Variants in STX2 observed in about 807,000 individuals in gnomAD.
STX2 encodes the protein syntaxin-2.
Under a neutral mutation model 40.6 loss-of-function variants are expected in STX2, and 27 were observed. The observed-to-expected ratio is 0.66, with a 90% confidence interval of 0.49 to 0.92. STX2 has a LOEUF of 0.92. Ranked by LOEUF, STX2 falls within the 40% of genes least tolerant of loss-of-function variation. The pLI is 0.00. For synonymous variants in STX2, 123 were observed against 119.1 expected (o/e 1.03, Z -0.22); for missense variants, 328 against 366.1 (o/e 0.90, Z 0.85).
intron 3 of STX2, among the ~76,000 whole-genome samples, chr12:130,815,464 G>C (rs938364969): frequency 5.9e-5 from 9 of 152,238 alleles, no homozygotes; most frequent in Non-Finnish European, 1.0e-4. Flanking sequence ...ATAACTGCCA[G>C]ATGCACGCTG....
At chr12:130,823,991 T>TA (rs930305269) in intron 2 of STX2, among the ~76,000 whole-genome samples, 8 of 152,224 alleles carry the variant, frequency 5.3e-5, no homozygotes, top group African/African-American at 1.9e-4. Context: ...ATCTTAGTAT[T>TA]ACTTTGAAAA....
chr12:130,795,148 T>C (rs1433860553), intron 10 of STX2, among the ~76,000 whole-genome samples: 1 of 152,210 alleles, frequency 6.6e-6, no homozygotes, highest in African/African-American at 2.4e-5. Context: ...TAACTAAATA[T>C]AATACGTAAT....
chr12:130,836,671 A>T (rs1016047068), intron 1 of STX2, among the ~76,000 whole-genome samples: 1 of 152,212 alleles, frequency 6.6e-6, no homozygotes, highest in African/African-American at 2.4e-5. Flanking sequence ...ACCTTCTCCC[A>T]GAGCTTCACA....
intron 5 of STX2, 70 bp from the exon 6 acceptor site, chr12:130,807,160 T>A: frequency 6.7e-7 from 1 of 1,485,188 alleles, no homozygotes; most frequent in East Asian, 2.3e-5. Flanking sequence ...ATGCAAGACA[T>A]GCATTTTGGA....
Position 130,801,409 on chromosome 12 carries a change from A to C in STX2, c.537+6T>G. On this transcript the variant is annotated splice_donor_region_variant and intron_variant, in intron 7 of 10. Coordinates refer to ENST00000392373, the MANE Select transcript of STX2 (RefSeq NM_194356.4). ...CATGGAGCCACAGGGCCGCACCCCC[A>C]CTCACGTCGGAAGTGAAGATGGATG... 1 of 1,606,540 alleles carries C rather than the reference A, an allele frequency of 6.2e-7. No homozygotes were observed. Among genetic ancestry groups the C allele is most frequent in the Non-Finnish European group, 8.5e-7 (1 of 1,175,616 alleles).
intron 3 of STX2, among the ~76,000 whole-genome samples, chr12:130,815,066 C>T (rs1051624953): frequency 1.1e-4 from 17 of 152,092 alleles, no homozygotes; most frequent in African/African-American, 3.9e-4. Context: ...CATGCCATCT[C>T]TATTTAAAAA....
intron 3 of STX2, among the ~76,000 whole-genome samples, chr12:130,814,876 C>A (rs1951802122): frequency 6.6e-6 from 1 of 151,998 alleles, no homozygotes; most frequent in South Asian, 2.1e-4. Flanking sequence ...ACCTCGAGAT[C>A]CGCCCACCTC....
At chr12:130,809,431 A>C (rs1195272860) in intron 4 of STX2, among the ~76,000 whole-genome samples, 1 of 152,206 alleles carries the variant, frequency 6.6e-6, no homozygotes, top group Non-Finnish European at 1.5e-5. Flanking sequence ...TACTTCACAA[A>C]ACTTAATGCA....
intron 3 of STX2, among the ~76,000 whole-genome samples, chr12:130,817,651 C>G (rs1230000249): frequency 2.0e-5 from 3 of 151,972 alleles, no homozygotes; most frequent in Admixed American, 6.6e-5. Flanking sequence ...CATCTCAAAA[C>G]TTCACAGTAA....
intron 3 of STX2, among the ~76,000 whole-genome samples, chr12:130,814,005 A>G (rs10744485): frequency 0.57 from 85,953 of 152,056 alleles, 26,590 homozygotes; most frequent in East Asian, 0.87. Flanking sequence ...TCTCTTCCTG[A>G]CACCCCCTCA....
intron 1 of STX2, among the ~76,000 whole-genome samples, chr12:130,830,379 T>A (rs985867654): frequency 6.6e-6 from 1 of 151,640 alleles, no homozygotes; most frequent in Non-Finnish European, 1.5e-5. Flanking sequence ...TCAACCCTCC[T>A]CTCCCATGGT....
chr12:130,791,834 A>G lies in STX2; in HGVS notation c.*189T>C. On this transcript the variant is annotated 3_prime_UTR_variant, in exon 11 of 11. Transcript: ENST00000392373. ...GTCTGAGATTCATTCACGAAATGAC[A>G]GGATGCTGATTTGGTTGCAGATGTG... 3.7e-6 allele frequency: 5 copies of G among 1,362,216 alleles called. No homozygotes were observed. The highest frequency in any genetic ancestry group is 1.8e-4 in the Middle Eastern group (1 of 5,582). The allele number at this position is 1,362,216 out of a possible 1,614,324, so 84.4% of individuals were successfully genotyped here.
chr12:130,806,686 C>A (rs542015215), intron 6 of STX2, among the ~76,000 whole-genome samples: 1 of 152,090 alleles, frequency 6.6e-6, no homozygotes, highest in Admixed American at 6.5e-5. Flanking sequence ...CAGGGCAGGG[C>A]GGGACTGAGG....
At chr12:130,793,217 G>A (rs1030416627) in intron 10 of STX2, among the ~76,000 whole-genome samples, 1 of 152,162 alleles carries the variant, frequency 6.6e-6, no homozygotes. Flanking sequence ...AGAGCTGCCT[G>A]CAGGAGGGCC....
rs184560825 is a variant in STX2, at chr12:130,792,503, G to A, written c.*46-526C>T. ...TTCTGAAAGGAGGTGTCACTCTGTC[G>A]CCCAGGCTGGAGAGCAGTGGTGCAG... On this transcript the variant is annotated intron_variant, in intron 10 of 10. Coordinates refer to ENST00000392373, the MANE Select transcript of STX2 (RefSeq NM_194356.4). Among the ~76,000 whole-genome samples the A allele has an allele frequency of 9.9e-5, 15 of 152,124 alleles. No individual in the cohort carries two copies. In the East Asian group the frequency reaches 2.5e-3, roughly 25 times the overall value.
In STX2 at chr12:130,796,069, G is replaced by C. The variant is rs1440667481; in HGVS notation, c.838C>G (p.Leu280Val). 2 of 1,614,170 alleles carry C rather than the reference G, an allele frequency of 1.2e-6. No individual in the cohort carries two copies. Among genetic ancestry groups the C allele is most frequent in the Non-Finnish European group, 8.5e-7 (1 of 1,180,008 alleles). ...VSVVLVAIIA[L>V]IIGLSVGK ...TTGCCAACTGACAAGCCAATAATTAGAGCGATTATGGCAACCAGAACCACT... is the reference window on the plus strand; with the variant it reads ...TTGCCAACTGACAAGCCAATAATTACAGCGATTATGGCAACCAGAACCACT... The change falls in exon 10 of 11, where the codon CTA (leucine) becomes GTA (valine). Residue 280 changes from leucine to valine, a missense_variant. Leu to Val is a conservative substitution (Grantham distance 32, BLOSUM62 1). Coordinates refer to ENST00000392373, the MANE Select transcript of STX2 (RefSeq NM_194356.4).
Position 130,791,770 on chromosome 12 carries a change from C to G in STX2, c.*253G>C, listed in dbSNP as rs559737059. 64 of 792,844 alleles carry G rather than the reference C, an allele frequency of 8.1e-5. No homozygotes were observed. Among genetic ancestry groups the G allele is most frequent in the Non-Finnish European group, 1.2e-4 (56 of 472,766 alleles). 49.1% of individuals were successfully genotyped at this position (792,844 alleles called of 1,614,324 possible). On this transcript the variant is annotated 3_prime_UTR_variant, in exon 11 of 11. Coordinates refer to ENST00000392373, the MANE Select transcript of STX2 (RefSeq NM_194356.4). ...TTCGGTTGTGCTTCTTCCGTGAACT[C>G]ATACATTACAAGGTCAGCACTCGAT...
At chr12:130,809,765 C>T (rs1041535461) in intron 4 of STX2, among the ~76,000 whole-genome samples, 3 of 152,116 alleles carry the variant, frequency 2.0e-5, no homozygotes, top group East Asian at 1.9e-4. Context: ...TGCAGTGAGC[C>T]GAGATAGTGC....
At chr12:130,814,308 C>G (rs938812943) in intron 3 of STX2, among the ~76,000 whole-genome samples, 3 of 152,156 alleles carry the variant, frequency 2.0e-5, no homozygotes, top group Non-Finnish European at 4.4e-5. Context: ...CACGCAGAGA[C>G]TAACAACGGA....
Sources: gnomAD v4.1 joint callset for allele counts (sites outside exome capture counted in the v4.1 genomes callset) on GRCh38, gnomAD v4.1.1 for gene constraint, MANE v1.5 for transcripts, NCBI Gene and HGNC (gene_info 2026-07-23, HGNC 2026-07-21) for gene names.